PDE1A: variants seen among roughly 807,000 people sequenced by gnomAD.
The protein encoded by PDE1A is dual specificity calcium/calmodulin-dependent 3',5'-cyclic nucleotide phosphodiesterase 1A.
Under a neutral mutation model 61.7 loss-of-function variants are expected in PDE1A, and 35 were observed. The observed-to-expected ratio is 0.57, with a 90% CI of 0.43 to 0.75. PDE1A has a LOEUF of 0.75. Ranked by LOEUF, PDE1A falls within the 30% of genes least tolerant of loss-of-function variation. The probability of loss-of-function intolerance (pLI) is 0.00; values close to 1 mark genes in which losing one functional copy is unlikely to be tolerated. For synonymous variants in PDE1A, 232 were observed against 213.2 expected (o/e 1.09, Z -0.77); for missense variants, 597 against 630.6 (o/e 0.95, Z 0.57).
the PDE1A span, among the ~76,000 whole-genome samples, chr2:182,631,311 C>T: frequency 0.64 from 96,713 of 151,148 alleles, 31,035 homozygotes; most frequent in Admixed American, 0.73. Flanking sequence ...TTAATTTATT[C>T]ATTTATTATT....
the PDE1A span, among the ~76,000 whole-genome samples, chr2:182,609,196 G>A: frequency 6.6e-6 from 1 of 152,146 alleles, no homozygotes; most frequent in South Asian, 2.1e-4. Flanking sequence ...GTGGGGAGGT[G>A]GAGAACTTTT....
rs1691778830 is a variant in PDE1A, at chr2:182,168,223, G to A, written c.*24C>T. 8 of 1,576,308 alleles carry A rather than the reference G, an allele frequency of 5.1e-6. No individual in the cohort carries two copies. The African/African-American group carries it at 6.9e-5, about 14-fold the overall frequency. ...TTGGTCAAATTAGAGCTGCCACCAT[G>A]CACGAGGTTTTACTTAAAGGTGTTT... On this transcript the variant is annotated 3_prime_UTR_variant, in exon 14 of 14. Transcript: ENST00000351439.
intron 1 of PDE1A, among the ~76,000 whole-genome samples, chr2:182,406,614 TG>T (rs1339994601): frequency 6.6e-6 from 1 of 152,146 alleles, no homozygotes; most frequent in Admixed American, 6.5e-5. Flanking sequence ...TGTTGGATAT[TG>T]GAGTAGATCA....
chr2:182,544,443 T>A, the PDE1A span, among the ~76,000 whole-genome samples: 292 of 152,328 alleles, frequency 1.9e-3, 2 homozygotes, highest in Non-Finnish European at 3.4e-3. Context: ...TGAGTCTAGA[T>A]GAGTTTAAGT....
chr2:182,566,405 A>G, the PDE1A span, among the ~76,000 whole-genome samples: 1 of 152,040 alleles, frequency 6.6e-6, no homozygotes, highest in African/African-American at 2.4e-5. Context: ...GAACATTAAA[A>G]AGAAAAGAAA....
chr2:182,306,930 A>G (rs1042465890), intron 1 of PDE1A, among the ~76,000 whole-genome samples: 4 of 152,196 alleles, frequency 2.6e-5, no homozygotes, highest in African/African-American at 9.7e-5. Flanking sequence ...TCATGCAACA[A>G]AAGCAAAAGT....
At chr2:182,527,293 C>A (rs1368280385), upstream of PDE1A, among the ~76,000 whole-genome samples, 3 of 99,920 alleles carry the variant, frequency 3.0e-5, no homozygotes, top group Non-Finnish European at 5.5e-5. Flanking sequence ...ATGGTGAAAC[C>A]CTTTCTCTAT....
At chr2:182,212,889 G>A (rs1037325751) in intron 7 of PDE1A, among the ~76,000 whole-genome samples, 1 of 152,046 alleles carries the variant, frequency 6.6e-6, no homozygotes, top group African/African-American at 2.4e-5. Context: ...AAGCAGCCGG[G>A]AAGCTCGAAC....
At chr2:182,215,477 G>A (rs1688081110) in intron 7 of PDE1A, among the ~76,000 whole-genome samples, 1 of 151,026 alleles carries the variant, frequency 6.6e-6, no homozygotes, top group Non-Finnish European at 1.5e-5. Flanking sequence ...GAATCCAGGA[G>A]CTGGTTTTTT....
chr2:182,671,338 ATTTTTTTT>A, the PDE1A span, among the ~76,000 whole-genome samples: 5 of 75,218 alleles, frequency 6.6e-5, no homozygotes, highest in Admixed American at 1.4e-4. Context: ...CGACTGGCTA[ATTTTTTTT>A]TTTTTTTTTT....
At chr2:182,355,888 AT>A (rs1699150075) in intron 1 of PDE1A, among the ~76,000 whole-genome samples, 1 of 152,134 alleles carries the variant, frequency 6.6e-6, no homozygotes, top group Non-Finnish European at 1.5e-5. Context: ...TGTCTGAAAT[AT>A]TTTCATTTGC....
chr2:182,294,939 G>A (rs568422971), intron 1 of PDE1A, among the ~76,000 whole-genome samples: 26 of 152,008 alleles, frequency 1.7e-4, no homozygotes, highest in Middle Eastern at 3.4e-3. Flanking sequence ...CCATGAGAGG[G>A]AGAAGGATAG....
intron 3 of PDE1A, among the ~76,000 whole-genome samples, chr2:182,236,139 A>G (rs757586326): frequency 6.6e-6 from 1 of 152,218 alleles, no homozygotes; most frequent in Non-Finnish European, 1.5e-5. Flanking sequence ...AAATAGTCAT[A>G]AATTATTTTT....
chr2:182,651,374 G>A, the PDE1A span, among the ~76,000 whole-genome samples: 6 of 152,164 alleles, frequency 3.9e-5, no homozygotes, highest in South Asian at 2.1e-4. Context: ...CATTGAAATT[G>A]AGAAATGTGA....
intron 2 of PDE1A, among the ~76,000 whole-genome samples, chr2:182,436,761 C>A (rs540726146): frequency 8.6e-5 from 13 of 151,968 alleles, no homozygotes; most frequent in African/African-American, 3.1e-4. Flanking sequence ...ACACTCAAGG[C>A]AACTAGACTT....
rs141205310 is a variant in PDE1A, at chr2:182,485,136, T to C, written c.101+37140A>G. On this transcript the variant is annotated intron_variant, in intron 2 of 14. Coordinates refer to the PDE1A transcript ENST00000410103. ...AACCTAAATGCCTATCAGTAACAGA[T>C]TGGATAAAGAAAATGTGGTACATAT... Among the ~76,000 whole-genome samples, 23 of 152,040 alleles carry C rather than the reference T, an allele frequency of 1.5e-4. No homozygotes were observed. In the East Asian group the frequency reaches 1.7e-3, roughly 12 times the overall value.
intron 1 of PDE1A, among the ~76,000 whole-genome samples, chr2:182,346,091 G>A (rs1574411985): frequency 6.6e-6 from 1 of 152,044 alleles, no homozygotes; most frequent in East Asian, 1.9e-4. Flanking sequence ...ACCAAAAACA[G>A]ACAAGCTATG....
Position 182,389,726 on chromosome 2 carries a change from T to C in PDE1A, c.53+36852A>G, listed in dbSNP as rs1386082814. Among the ~76,000 whole-genome samples, 6 of 152,196 alleles carry C rather than the reference T, an allele frequency of 3.9e-5. 1 individual carries two copies. In the East Asian group the frequency reaches 7.7e-4, roughly 20 times the overall value. ...TCTGTGAGGGTGTTGCCAAAGGAGATTAACATTCCAGTCGGTGGATTGGGA... is the reference window on the plus strand; with the variant it reads ...TCTGTGAGGGTGTTGCCAAAGGAGACTAACATTCCAGTCGGTGGATTGGGA... On this transcript the variant is annotated intron_variant, in intron 1 of 13. Coordinates refer to ENST00000351439, the Ensembl canonical transcript of PDE1A.
chr2:182,359,677 A>G (rs778881486), intron 1 of PDE1A, among the ~76,000 whole-genome samples: 2 of 152,154 alleles, frequency 1.3e-5, no homozygotes, highest in Non-Finnish European at 1.5e-5. Context: ...ATGGGATTGT[A>G]TGCCATAGAA....
Sources: gnomAD v4.1 joint callset for allele counts (sites outside exome capture counted in the v4.1 genomes callset) on GRCh38, gnomAD v4.1.1 for gene constraint, MANE v1.5 for transcripts, NCBI Gene and HGNC (gene_info 2026-07-23, HGNC 2026-07-21) for gene names.